The following GNE variants were observed in gnomAD, a reference collection of about 807,000 sequenced individuals.
GNE encodes the protein bifunctional UDP-N-acetylglucosamine 2-epimerase/N-acetylmannosamine kinase.
Under a neutral mutation model 61.8 loss-of-function variants are expected in GNE, and 41 were observed. The ratio of observed to expected loss-of-function variants is 0.66; its 90% CI spans 0.52 to 0.86. GNE has a LOEUF of 0.86. Ranked by LOEUF, GNE falls within the 40% of genes least tolerant of loss-of-function variation. The pLI is 0.00. For missense variants in GNE, 608 were observed against 909.1 expected, an observed-to-expected ratio of 0.67 and a Z score of 4.26; for synonymous variants, 264 against 326.4, an observed-to-expected ratio of 0.81 and a Z score of 2.06.
At chr9:36,253,711 A>G (rs968265841) in intron 1 of GNE, among the ~76,000 whole-genome samples, 1 of 152,144 alleles carries the variant, frequency 6.6e-6, no homozygotes, top group South Asian at 2.1e-4. Flanking sequence ...TCAAATATAC[A>G]AAGAGTTATA....
At position 36,222,924 on chromosome 9, in the gene GNE, T is replaced by C; in HGVS notation, c.1486A>G (p.Asn496Asp). The change falls in exon 9 of 12, where the codon AAC (asparagine) becomes GAC (aspartate). Residue 496 changes from asparagine to aspartate, a missense_variant. Asn to Asp is a conservative substitution (Grantham distance 23). Transcript: ENST00000642385. ...AGGGGGGTCCTAAGGTCCACAGAGT[T>C]CCACTCTTGGATCAGTTTGGTTGAA... ...LHSTKLIQEW[N>D]SVDLRTPLSD... 1 of 1,614,130 alleles carries C rather than the reference T, an allele frequency of 6.2e-7. No individual in the cohort carries two copies. The highest frequency in any genetic ancestry group is 8.5e-7 in the Non-Finnish European group (1 of 1,180,010).
At chr9:36,246,627 T>C (rs1317662199) in intron 2 of GNE, 145 bp from the exon 3 acceptor site, 11 of 562,256 alleles carry the variant, frequency 2.0e-5, no homozygotes, top group African/African-American at 1.9e-4. Context: ...ATAAAAAGCA[T>C]AGACCATAAG....
At chr9:36,253,279 CTT>C (rs1202909109) in intron 1 of GNE, among the ~76,000 whole-genome samples, 1 of 145,168 alleles carries the variant, frequency 6.9e-6, no homozygotes. Context: ...GCAAAGCTTA[CTT>C]TTTTTTTTTT....
chr9:36,268,136 C>CATATTG (rs1830877859), intron 1 of GNE, among the ~76,000 whole-genome samples: 2 of 151,216 alleles, frequency 1.3e-5, no homozygotes, highest in South Asian at 4.2e-4. Flanking sequence ...GAGACCCCAT[C>CATATTG]TCAAAAAAAA....
intron 3 of GNE, among the ~76,000 whole-genome samples, chr9:36,245,306 C>A (rs1007885167): frequency 5.3e-5 from 8 of 151,752 alleles, no homozygotes; most frequent in Non-Finnish European, 8.8e-5. Context: ...ATAAAAACAC[C>A]CATAATCCCA....
At chr9:36,244,263 C>T (rs1377308027) in intron 3 of GNE, among the ~76,000 whole-genome samples, 2 of 152,072 alleles carry the variant, frequency 1.3e-5, no homozygotes, top group Non-Finnish European at 1.5e-5. Flanking sequence ...CATACCTGAC[C>T]CAACCAAATC....
rs200490682 is a variant in GNE, at chr9:36,217,437, C to T, written c.2097G>A (p.Ser699=). 25 of 1,614,094 alleles carry T rather than the reference C, an allele frequency of 1.5e-5. 1 individual carries two copies. The highest frequency in any genetic ancestry group is 1.0e-4 in the Admixed American group (6 of 60,022). ...CCAGCAGGGCGGGGTCAACCAAATC[C>T]GAAACCACCACATCCACGTCCTGCA... ...SSVQDVDVVV[S]DLVDPALLGA... is the part of the protein sequence containing the mutation. The change falls in exon 12 of 12, where the codon TCG becomes TCA. Residue 699 remains serine, a synonymous_variant. Transcript: ENST00000642385.
At chr9:36,253,208 TACATACAC>T (rs147295613) in intron 1 of GNE, among the ~76,000 whole-genome samples, 1 of 151,838 alleles carries the variant, frequency 6.6e-6, no homozygotes, top group African/African-American at 2.4e-5. Context: ...TGTATGTGTA[TACATACAC>T]ACATACACAA....
At chr9:36,249,062 G>A (rs1830012087) in intron 2 of GNE, 130 bp downstream of exon 2, 1 of 725,522 alleles carries the variant, frequency 1.4e-6, no homozygotes, top group African/African-American at 1.8e-5. Context: ...GATGCTAAGT[G>A]ACTACTCTAA....
At chr9:36,252,141 A>G (rs1300980280) in intron 1 of GNE, among the ~76,000 whole-genome samples, 1 of 151,886 alleles carries the variant, frequency 6.6e-6, no homozygotes, top group Non-Finnish European at 1.5e-5. Context: ...ATGTGCCACC[A>G]TGCTGGGCTA....
intron 11 of GNE, 147 bp from the exon 12 acceptor site, chr9:36,217,747 G>A (rs1486589743): frequency 1.5e-6 from 1 of 688,324 alleles, no homozygotes. Context: ...GCAGTTCACG[G>A]TTGATTCTTA....
chr9:36,262,226 C>T (rs995380142), upstream of GNE, among the ~76,000 whole-genome samples: 23 of 151,996 alleles, frequency 1.5e-4, no homozygotes, highest in Non-Finnish European at 8.8e-5. Flanking sequence ...ATACCTTTAA[C>T]GGTAGGGAAT....
chr9:36,224,625 T>C (rs1445564491), intron 7 of GNE, among the ~76,000 whole-genome samples: 4 of 152,162 alleles, frequency 2.6e-5, no homozygotes, highest in Non-Finnish European at 5.9e-5. Context: ...TCCCAGCACT[T>C]TGAGAGGCCG....
intron 5 of GNE, among the ~76,000 whole-genome samples, chr9:36,231,916 G>A (rs1447778877): frequency 6.6e-6 from 1 of 152,112 alleles, no homozygotes; most frequent in Non-Finnish European, 1.5e-5. Flanking sequence ...AGCTATAAGA[G>A]AACTCTTAAT....
intron 1 of GNE, among the ~76,000 whole-genome samples, chr9:36,255,275 T>G (rs1295820898): frequency 6.6e-6 from 1 of 152,018 alleles, no homozygotes; most frequent in Admixed American, 6.6e-5. Context: ...TGGTGCGACC[T>G]CAGCTCACTG....
intron 4 of GNE, among the ~76,000 whole-genome samples, chr9:36,235,551 A>T (rs925999823): frequency 5.9e-5 from 9 of 152,210 alleles, no homozygotes; most frequent in African/African-American, 2.2e-4. Flanking sequence ...TTATAAACAG[A>T]ATATATCATT....
chr9:36,232,626 C>T (rs1022350861), intron 5 of GNE, among the ~76,000 whole-genome samples: 37 of 152,228 alleles, frequency 2.4e-4, no homozygotes, highest in African/African-American at 8.4e-4. Flanking sequence ...TAGCTGACTC[C>T]TTGTCATTCA....
Position 36,222,785 on chromosome 9 carries a change from G to A in GNE, c.1625C>T (p.Thr542Ile). 1 of 1,610,376 alleles carries A rather than the reference G, an allele frequency of 6.2e-7. No individual in the cohort carries two copies. The highest frequency in any genetic ancestry group is 8.5e-7 in the Non-Finnish European group (1 of 1,176,636). Residue 542 changes from threonine (T) to isoleucine (I), a missense_variant, in exon 9 of 12, where the codon ACA becomes ATA. Physicochemically the swap from Thr to Ile is moderately conservative, Grantham distance 89. Coordinates refer to ENST00000642385, the MANE Select transcript of GNE (RefSeq NM_005476.7). Reference sequence around the variant, plus strand: ...CCCCCTACCCCTCTTACCTGTGCCTGTGATAAGTGTAACAAAGTTTTCCAG... The same window carrying A: ...CCCCCTACCCCTCTTACCTGTGCCTATGATAAGTGTAACAAAGTTTTCCAG... ...KGLENFVTLITGTGIGGGIIH... is the reference protein window; with the variant it reads ...KGLENFVTLIIGTGIGGGIIH...
intron 1 of GNE, among the ~76,000 whole-genome samples, chr9:36,256,357 A>G (rs940884566): frequency 9.2e-5 from 13 of 141,318 alleles, no homozygotes; most frequent in African/African-American, 2.9e-4. Flanking sequence ...CGATACTCCT[A>G]TCTCAGCCTC....
Sources: allele counts gnomAD v4.1 joint callset (sites outside exome capture counted in the v4.1 genomes callset), GRCh38; gene constraint gnomAD v4.1.1; transcripts MANE v1.5; gene names NCBI Gene and HGNC (gene_info 2026-07-23, HGNC 2026-07-21).